The following NAP1L1 variants were observed in gnomAD, a reference collection of about 807,000 sequenced individuals.
NAP1L1 encodes the protein nucleosome assembly protein 1-like 1.
Under a neutral mutation model 58.9 loss-of-function variants are expected in NAP1L1, and 9 were observed. That is an observed-to-expected ratio of 0.15 (90% CI 0.09 to 0.27). The LOEUF (loss-of-function observed/expected upper bound fraction) is 0.27. NAP1L1 is among the 10% of genes least tolerant of loss of function. The probability of loss-of-function intolerance (pLI) is 1.00; values close to 1 mark genes in which losing one functional copy is unlikely to be tolerated. For synonymous variants in NAP1L1, 130 were observed against 138.3 expected (o/e 0.94, Z 0.42); for missense variants, 302 against 458.8 (o/e 0.66, Z 3.12).
At chr12:76,054,214 C>G (rs1191272185) in intron 8 of NAP1L1, among the ~76,000 whole-genome samples, 1 of 151,970 alleles carries the variant, frequency 6.6e-6, no homozygotes, top group African/African-American at 2.4e-5. Flanking sequence ...ATTTTTAGTA[C>G]AGACAGTGTT....
At chr12:76,064,739 T>C (rs1426540621) in intron 4 of NAP1L1, among the ~76,000 whole-genome samples, 1 of 152,016 alleles carries the variant, frequency 6.6e-6, no homozygotes, top group Non-Finnish European at 1.5e-5. Context: ...TATGTACATG[T>C]TTAAAATATG....
intron 2 of NAP1L1, among the ~76,000 whole-genome samples, chr12:76,071,616 C>T (rs1312444154): frequency 6.6e-6 from 1 of 151,978 alleles, no homozygotes; most frequent in Non-Finnish European, 1.5e-5. Flanking sequence ...AGAAGCAGCC[C>T]AATCAGTCTT....
rs1948566082 is a variant in NAP1L1, at chr12:76,043,087, G to A, written c.*5342C>T. 1 of 152,164 alleles carries A rather than the reference G, an allele frequency of 6.6e-6. No individual in the cohort carries two copies. Among genetic ancestry groups the A allele is most frequent in the Non-Finnish European group, 1.5e-5 (1 of 68,042 alleles). The allele number at this position is 152,164 out of a possible 1,614,324, so 9.4% of individuals were successfully genotyped here. On this transcript the variant is annotated 3_prime_UTR_variant, in exon 15 of 15. Transcript: ENST00000618691. ...TTATCTTAACAGCTAACAGCGTCTT[G>A]TTCACTGCTGCTGCCACGTCATTTA...
intron 4 of NAP1L1, among the ~76,000 whole-genome samples, chr12:76,060,529 T>A (rs1325934644): frequency 6.6e-6 from 1 of 152,232 alleles, no homozygotes; most frequent in Non-Finnish European, 1.5e-5. Context: ...CCTAAATCTT[T>A]ACCCAAGTTA....
At chr12:76,068,198 T>A (rs1949772220) in intron 3 of NAP1L1, among the ~76,000 whole-genome samples, 1 of 152,192 alleles carries the variant, frequency 6.6e-6, no homozygotes, top group African/African-American at 2.4e-5. Context: ...AATTACTAGA[T>A]GATGTACACA....
Position 76,045,365 on chromosome 12 carries a change from G to A in NAP1L1, c.*3064C>T, listed in dbSNP as rs1291780784. 3 of 151,908 alleles carry A rather than the reference G, an allele frequency of 2.0e-5. No homozygotes were observed. The highest frequency in any genetic ancestry group is 7.3e-5 in the African/African-American group (3 of 41,376). The allele number at this position is 151,908 out of a possible 1,614,324, so 9.4% of individuals were successfully genotyped here. On this transcript the variant is annotated 3_prime_UTR_variant, in exon 15 of 15. Transcript: ENST00000618691. ...AATATTAGTTCAATATTTCTACATA[G>A]CACGATAAGATTTTCAGTTACTTCA...
intron 2 of NAP1L1, among the ~76,000 whole-genome samples, chr12:76,071,784 G>A (rs80127610): frequency 0.011 from 1,710 of 152,168 alleles, 27 homozygotes; most frequent in African/African-American, 0.039. Flanking sequence ...TTCCTCTCAG[G>A]AAAGGGTAAA....
chr12:76,056,571 A>C (rs760289087), intron 6 of NAP1L1: 4 of 454,146 alleles, frequency 8.8e-6, no homozygotes, highest in Non-Finnish European at 1.8e-5. Flanking sequence ...TGGAACACTT[A>C]ACACAGCACT....
At chr12:76,077,034 T>C (rs1950207461) in intron 1 of NAP1L1, among the ~76,000 whole-genome samples, 2 of 152,210 alleles carry the variant, frequency 1.3e-5, no homozygotes, top group Admixed American at 6.5e-5. Flanking sequence ...GTTTAATATA[T>C]AGTGTCTACT....
intron 3 of NAP1L1, 130 bp downstream of exon 3, chr12:76,068,779 C>CACACAA: frequency 1.6e-6 from 1 of 643,770 alleles, no homozygotes; most frequent in Non-Finnish European, 2.8e-6. Context: ...CACACACACA[C>CACACAA]TAGAAGTATG....
chr12:76,054,386 C>CA (rs922924920), intron 8 of NAP1L1, among the ~76,000 whole-genome samples: 2 of 151,752 alleles, frequency 1.3e-5, no homozygotes, highest in Admixed American at 6.6e-5. Flanking sequence ...ATGTTAAAAT[C>CA]AAAAAAATTA....
intron 7 of NAP1L1, among the ~76,000 whole-genome samples, chr12:76,055,361 A>G (rs1565720898): frequency 6.6e-6 from 1 of 152,210 alleles, no homozygotes; most frequent in African/African-American, 2.4e-5. Context: ...TAAATAAGGC[A>G]TATCTACTTT....
At chr12:76,064,927 A>C (rs927403038) in intron 4 of NAP1L1, among the ~76,000 whole-genome samples, 4 of 152,158 alleles carry the variant, frequency 2.6e-5, no homozygotes, top group Admixed American at 6.5e-5. Flanking sequence ...TCAGGAAACG[A>C]AAAATTTTAA....
intron 6 of NAP1L1, among the ~76,000 whole-genome samples, chr12:76,058,334 A>G (rs1949231528): frequency 6.6e-6 from 1 of 150,902 alleles, no homozygotes; most frequent in African/African-American, 2.4e-5. Flanking sequence ...AGAGACTGTC[A>G]TGCTCATACA....
chr12:76,080,967 G>C (rs1302061516), intron 1 of NAP1L1, among the ~76,000 whole-genome samples: 1 of 152,104 alleles, frequency 6.6e-6, no homozygotes, highest in Non-Finnish European at 1.5e-5. Context: ...CTCCCCATGT[G>C]ATACCCTGTA....
intron 11 of NAP1L1, among the ~76,000 whole-genome samples, chr12:76,052,247 T>TAACAAACA (rs541405791): frequency 1.3e-5 from 2 of 151,696 alleles, no homozygotes; most frequent in African/African-American, 4.9e-5. Flanking sequence ...CAATATTTAG[T>TAACAAACA]AACAAACAAA....
rs1249867501 is a variant in NAP1L1 at position 76,067,471 on chromosome 12, G to A, written c.106C>T (p.Arg36Cys). The part of the protein sequence containing the change: ...ETGEETKLKA[R>C]QLTVQMMQNP... ...TGCATCATCTGAACAGTTAGCTGACGTGCTTTAAAAAAAAAAGGGCATCGA... is the reference window on the plus strand; with the variant it reads ...TGCATCATCTGAACAGTTAGCTGACATGCTTTAAAAAAAAAAGGGCATCGA... Residue 36 changes from arginine (R) to cysteine (C), a missense_variant and splice_region_variant, in exon 4 of 15, where the codon CGT (arginine) becomes TGT (cysteine). Physicochemically the swap from Arg to Cys is radical, Grantham distance 180. Transcript: ENST00000618691. 6 of 1,567,670 alleles carry A rather than the reference G, an allele frequency of 3.8e-6. No homozygotes were observed. The highest frequency in any genetic ancestry group is 1.7e-4 in the Middle Eastern group (1 of 5,914).
chr12:76,053,110 A>ACTG lies in NAP1L1; in HGVS notation c.917-3_917-1dup (p.Glu305_Val306insAla), dbSNP rs1330724522. 1 of 1,611,686 alleles carries ACTG rather than the reference A, an allele frequency of 6.2e-7. No homozygotes were observed. The highest frequency in any genetic ancestry group is 1.1e-5 in the South Asian group (1 of 90,726). On this transcript the variant is annotated inframe_insertion and splice_region_variant. Transcript: ENST00000618691. ...ACTTACCAGATCTCCACTCTCAGGAACTGCAAAATTGAGAAAAGAAATTAC... is the reference window on the plus strand; with the variant it reads ...ACTTACCAGATCTCCACTCTCAGGAACTGCTGCAAAATTGAGAAAAGAAATTAC...
intron 6 of NAP1L1, chr12:76,057,293 A>G (rs1011842381): frequency 9.6e-6 from 3 of 311,168 alleles, no homozygotes; most frequent in African/African-American, 6.5e-5. Flanking sequence ...CTGTCTCTTA[A>G]ACAAAAAAAC....
Sources: gnomAD v4.1 joint callset for allele counts (sites outside exome capture counted in the v4.1 genomes callset) on GRCh38, gnomAD v4.1.1 for gene constraint, MANE v1.5 for transcripts, NCBI Gene and HGNC (gene_info 2026-07-23, HGNC 2026-07-21) for gene names.